Variants in RPS6KA5 observed in about 807,000 individuals in gnomAD.
RPS6KA5 encodes the protein ribosomal protein S6 kinase alpha-5.
A neutral mutation model predicts 85.5 loss-of-function variants in RPS6KA5; 27 were observed. The observed-to-expected ratio is 0.32, with a 90% confidence interval of 0.23 to 0.44. RPS6KA5 has a LOEUF of 0.44. RPS6KA5 is among the 20% of genes least tolerant of loss of function. The probability of loss-of-function intolerance (pLI) is 1.00; values close to 1 mark genes in which losing one functional copy is unlikely to be tolerated. For missense variants in RPS6KA5, 811 were observed against 980.9 expected, an observed-to-expected ratio of 0.83 and a Z score of 2.31; for synonymous variants, 334 against 348.2, an observed-to-expected ratio of 0.96 and a Z score of 0.46.
chr14:90,859,691 C>A lies in RPS6KA5; in HGVS notation c.*12383G>T, dbSNP rs2032449511. The A allele has an allele frequency of 6.6e-6, 1 of 152,086 alleles. No individual in the cohort carries two copies. The highest frequency in any genetic ancestry group is 2.4e-5 in the African/African-American group (1 of 41,406). 9.4% of individuals were successfully genotyped at this position (152,086 alleles called of 1,614,324 possible). The stretch of plus-strand genomic sequence containing the variant: ...AACAGACATATGGAACATAGTATAA[C>A]ACACAATCCTAGAAAACGGGAGAGA... On this transcript the variant is annotated 3_prime_UTR_variant, in exon 17 of 17. Transcript: ENST00000614987.
chr14:90,930,685 C>G (rs1293254417), intron 5 of RPS6KA5, among the ~76,000 whole-genome samples: 2 of 152,032 alleles, frequency 1.3e-5, no homozygotes, highest in South Asian at 4.1e-4. Flanking sequence ...CTAAAAACAA[C>G]AAAACCCACA....
intron 1 of RPS6KA5, among the ~76,000 whole-genome samples, chr14:91,041,948 T>C (rs527413306): frequency 6.6e-5 from 10 of 152,300 alleles, no homozygotes; most frequent in African/African-American, 9.6e-5. Flanking sequence ...GGCTTTTTTT[T>C]CCCAATACAT....
rs773645845 is a variant in RPS6KA5 at position 91,001,059 on chromosome 14, T to C, written c.175+29A>G. On this transcript the variant is annotated intron_variant, in intron 2 of 16. Transcript: ENST00000614987. Reference sequence around the variant, plus strand: ...TAGGAATAATAAGTACTTTTTTTTTTCCTTAAATATAATTAACTTAAGACT... The same window carrying C: ...TAGGAATAATAAGTACTTTTTTTTTCCCTTAAATATAATTAACTTAAGACT... 45 of 1,281,848 alleles carry C rather than the reference T, an allele frequency of 3.5e-5. No individual in the cohort carries two copies. The Admixed American group carries it at 6.0e-4, about 17-fold the overall frequency. 79.4% of individuals were successfully genotyped at this position (1,281,848 alleles called of 1,614,324 possible).
intron 1 of RPS6KA5, among the ~76,000 whole-genome samples, chr14:91,037,615 ACT>A (rs1399242168): frequency 6.6e-6 from 1 of 151,576 alleles, no homozygotes; most frequent in Admixed American, 6.6e-5. Flanking sequence ...CCATTCTAAA[ACT>A]CTCTCTTCTC....
intron 14 of RPS6KA5, among the ~76,000 whole-genome samples, chr14:90,878,934 G>C (rs534763100): frequency 6.6e-6 from 1 of 152,224 alleles, no homozygotes; most frequent in Non-Finnish European, 1.5e-5. Flanking sequence ...GGTTTCAGTT[G>C]CTCTGATTGT....
intron 1 of RPS6KA5, among the ~76,000 whole-genome samples, chr14:91,044,799 A>G (rs1051378396): frequency 6.6e-6 from 1 of 150,890 alleles, no homozygotes; most frequent in Non-Finnish European, 1.5e-5. Context: ...TGAACTCAGG[A>G]GGCAGAGGTT....
rs955211464 is a variant in RPS6KA5 at position 90,863,476 on chromosome 14, T to TA, written c.*8597dup. The TA allele has an allele frequency of 2.0e-5, 3 of 150,742 alleles. No individual in the cohort carries two copies. Among genetic ancestry groups the TA allele is most frequent in the African/African-American group, 7.3e-5 (3 of 41,108 alleles). The allele number at this position is 150,742 out of a possible 1,614,324, so 9.3% of individuals were successfully genotyped here. ...GATCAGCTCAATAAGGCAAGAAAAA[T>TA]AAAAATTGAAAAGGCAGAAATGAAA... On this transcript the variant is annotated 3_prime_UTR_variant, in exon 17 of 17. Coordinates refer to ENST00000614987, the MANE Select transcript of RPS6KA5 (RefSeq NM_004755.4).
chr14:90,979,221 G>C (rs934177498), intron 2 of RPS6KA5, among the ~76,000 whole-genome samples: 1 of 152,186 alleles, frequency 6.6e-6, no homozygotes, highest in Non-Finnish European at 1.5e-5. Flanking sequence ...GGGGCCATGT[G>C]GGCACTGTGC....
At position 91,057,214 on chromosome 14, in the gene RPS6KA5, A is replaced by C. The variant is rs760858492; in HGVS notation, c.103+3118T>G. On this transcript the variant is annotated intron_variant, in intron 1 of 16. Transcript: ENST00000614987. Reference sequence around the variant, plus strand: ...TAGAGGGCGGGACATTTTCTTAGACATACATTCAAGAAATGTATGTTTAAG... The same window carrying C: ...TAGAGGGCGGGACATTTTCTTAGACCTACATTCAAGAAATGTATGTTTAAG... 1.3e-5 allele frequency among the ~76,000 whole-genome samples: 2 copies of C among 152,004 alleles called. 1 individual carries two copies. The highest frequency in any genetic ancestry group is 2.9e-5 in the Non-Finnish European group (2 of 67,994).
At chr14:91,039,759 T>C (rs1407725423) in intron 1 of RPS6KA5, among the ~76,000 whole-genome samples, 1 of 152,180 alleles carries the variant, frequency 6.6e-6, no homozygotes, top group Admixed American at 6.5e-5. Context: ...CAGCCACAGC[T>C]TGACTCCAGA....
At chr14:90,958,270 T>C (rs1379295962) in intron 3 of RPS6KA5, among the ~76,000 whole-genome samples, 12 of 152,228 alleles carry the variant, frequency 7.9e-5, no homozygotes, top group Admixed American at 7.2e-4. Context: ...GATTTTTATT[T>C]GGAAAATTTT....
intron 1 of RPS6KA5, among the ~76,000 whole-genome samples, chr14:91,049,757 C>T (rs1411038580): frequency 1.3e-5 from 2 of 152,162 alleles, no homozygotes; most frequent in Admixed American, 6.5e-5. Context: ...TGCACAAACA[C>T]CATAGAGTTT....
intron 12 of RPS6KA5, among the ~76,000 whole-genome samples, chr14:90,898,137 T>C (rs1207011772): frequency 6.6e-6 from 1 of 152,198 alleles, no homozygotes; most frequent in Non-Finnish European, 1.5e-5. Flanking sequence ...TAAAAGCTTG[T>C]TGGGCTCTGA....
At chr14:91,053,968 TG>T (rs2043200965) in intron 1 of RPS6KA5, among the ~76,000 whole-genome samples, 2 of 152,196 alleles carry the variant, frequency 1.3e-5, no homozygotes, top group South Asian at 4.1e-4. Flanking sequence ...CAAGACAGCA[TG>T]GTACTGCTAT....
At chr14:91,058,452 T>A (rs2043419430) in intron 1 of RPS6KA5, among the ~76,000 whole-genome samples, 1 of 152,244 alleles carries the variant, frequency 6.6e-6, no homozygotes. Context: ...AGGTTGCTCC[T>A]TGGTCATTTA....
intron 14 of RPS6KA5, among the ~76,000 whole-genome samples, chr14:90,881,172 C>G (rs961618137): frequency 1.3e-5 from 2 of 151,662 alleles, no homozygotes; most frequent in Non-Finnish European, 2.9e-5. Flanking sequence ...ATTTTGTGGC[C>G]AGGAGTGGTG....
intron 3 of RPS6KA5, among the ~76,000 whole-genome samples, chr14:90,976,202 G>GAAAAAAAAAA: frequency 9.2e-6 from 1 of 109,068 alleles, no homozygotes; most frequent in Non-Finnish European, 1.9e-5. Flanking sequence ...TAAGAGAACA[G>GAAAAAAAAAA]AAAAAAAAAA....
intron 2 of RPS6KA5, among the ~76,000 whole-genome samples, chr14:90,999,612 A>C (rs1306617271): frequency 6.6e-6 from 1 of 152,242 alleles, no homozygotes; most frequent in East Asian, 1.9e-4. Flanking sequence ...AGAGCAACAC[A>C]GTCCAGGACA....
chr14:90,871,043 A>G lies in RPS6KA5; in HGVS notation c.*1031T>C, dbSNP rs1192433774. On this transcript the variant is annotated 3_prime_UTR_variant, in exon 17 of 17. Transcript: ENST00000614987. ...TTCTAAAATATTATGTACATAATAT[A>G]TGACTACAGGAGGAAATTCCTCACT... 2.0e-5 allele frequency: 3 copies of G among 152,564 alleles called. No individual in the cohort carries two copies. In the East Asian group the frequency reaches 5.8e-4, roughly 29 times the overall value. 9.5% of individuals were successfully genotyped at this position (152,564 alleles called of 1,614,324 possible).
Sources: allele counts gnomAD v4.1 joint callset (sites outside exome capture counted in the v4.1 genomes callset), GRCh38; gene constraint gnomAD v4.1.1; transcripts MANE v1.5; gene names NCBI Gene and HGNC (gene_info 2026-07-23, HGNC 2026-07-21).